CFAP95: variants seen among roughly 807,000 people sequenced by gnomAD.
CFAP95 encodes the protein cilia- and flagella-associated protein 95.
At chr9:69,851,823 G>A in the CFAP95 span, among the ~76,000 whole-genome samples, 1 of 150,802 alleles carries the variant, frequency 6.6e-6, no homozygotes, top group Non-Finnish European at 1.5e-5. Flanking sequence ...AGCTATGATT[G>A]TGCCACTACA....
the CFAP95 span, among the ~76,000 whole-genome samples, chr9:69,828,598 G>A: frequency 1.0e-3 from 154 of 152,302 alleles, 1 homozygote; most frequent in African/African-American, 3.5e-3. Flanking sequence ...CGAGAGGATC[G>A]CTGGAGCATG....
At chr9:69,832,305 C>T in the CFAP95 span, among the ~76,000 whole-genome samples, 3 of 152,108 alleles carry the variant, frequency 2.0e-5, no homozygotes, top group African/African-American at 7.2e-5. Flanking sequence ...GGAAAGATTG[C>T]ATGGTTTTTT....
chr9:69,836,004 C>T, the CFAP95 span, among the ~76,000 whole-genome samples: 1 of 152,136 alleles, frequency 6.6e-6, no homozygotes, highest in Non-Finnish European at 1.5e-5. Context: ...TGACCTGCAG[C>T]TCTGGATTCT....
chr9:69,877,431 C>G, the CFAP95 span, among the ~76,000 whole-genome samples: 1 of 152,222 alleles, frequency 6.6e-6, no homozygotes, highest in Non-Finnish European at 1.5e-5. Context: ...ATTATATCCA[C>G]CATTCCACAC....
At chr9:69,904,955 G>A in the CFAP95 span, among the ~76,000 whole-genome samples, 1 of 152,114 alleles carries the variant, frequency 6.6e-6, no homozygotes, top group Non-Finnish European at 1.5e-5. Context: ...CTGTAGTCCT[G>A]GCTTAGTCGC....
At chr9:69,830,215 TG>T in the CFAP95 span, among the ~76,000 whole-genome samples, 1 of 152,210 alleles carries the variant, frequency 6.6e-6, no homozygotes, top group South Asian at 2.1e-4. Flanking sequence ...TTTTCAGTTC[TG>T]GCTCAACAAA....
At chr9:69,861,015 C>T in the CFAP95 span, among the ~76,000 whole-genome samples, 38 of 152,164 alleles carry the variant, frequency 2.5e-4, no homozygotes, top group South Asian at 1.2e-3. Flanking sequence ...TGATAAAAAG[C>T]GTAGTACAGT....
chr9:69,859,990 C>G, the CFAP95 span, among the ~76,000 whole-genome samples: 2 of 151,976 alleles, frequency 1.3e-5, no homozygotes, highest in African/African-American at 2.4e-5. Context: ...ATGCATGTAC[C>G]CTGCAAGACT....
chr9:69,884,689 A>T, the CFAP95 span: 1 of 151,706 alleles, frequency 6.6e-6, no homozygotes, highest in Non-Finnish European at 1.5e-5. Context: ...TTTGATGTTC[A>T]ATTTAAGTCT....
the CFAP95 span, among the ~76,000 whole-genome samples, chr9:69,831,337 C>A: frequency 6.6e-6 from 1 of 152,018 alleles, no homozygotes; most frequent in East Asian, 1.9e-4. Flanking sequence ...TTTGGAAAAA[C>A]TGAATTGCTC....
the CFAP95 span, among the ~76,000 whole-genome samples, chr9:69,867,859 C>A: frequency 6.6e-6 from 1 of 152,188 alleles, no homozygotes; most frequent in Admixed American, 6.5e-5. Context: ...CTTGGATCAT[C>A]CAGCCCAGTC....
chr9:69,876,326 A>G, the CFAP95 span, among the ~76,000 whole-genome samples: 3 of 152,238 alleles, frequency 2.0e-5, no homozygotes, highest in South Asian at 6.2e-4. Context: ...TGAGGCCAGG[A>G]GTTCAAGACC....
chr9:69,851,269 C>A, the CFAP95 span, among the ~76,000 whole-genome samples: 2 of 152,146 alleles, frequency 1.3e-5, no homozygotes, highest in Admixed American at 1.3e-4. Flanking sequence ...CCTCCACTGC[C>A]TATTTACCCT....
the CFAP95 span, among the ~76,000 whole-genome samples, chr9:69,831,597 A>G: frequency 6.6e-6 from 1 of 152,180 alleles, no homozygotes; most frequent in Non-Finnish European, 1.5e-5. Context: ...CCCAGCAACT[A>G]CAATGTACTG....
chr9:69,848,537 A>T, the CFAP95 span, among the ~76,000 whole-genome samples: 3 of 152,198 alleles, frequency 2.0e-5, no homozygotes, highest in South Asian at 6.2e-4. Context: ...AGGGTCAAAG[A>T]TAAACATACC....
the CFAP95 span, among the ~76,000 whole-genome samples, chr9:69,839,967 T>C: frequency 6.6e-6 from 1 of 151,320 alleles, no homozygotes; most frequent in African/African-American, 2.4e-5. Context: ...ATCCCAGCTA[T>C]TCAGAGGGTT....
chr9:69,895,335 GTCTC>G, the CFAP95 span, among the ~76,000 whole-genome samples: 908 of 121,208 alleles, frequency 7.5e-3, 6 homozygotes, highest in South Asian at 0.022. Flanking sequence ...CTTAAAATCA[GTCTC>G]TCTCTCTCTC....
chr9:69,887,414 T>C, the CFAP95 span, among the ~76,000 whole-genome samples: 1 of 152,218 alleles, frequency 6.6e-6, no homozygotes, highest in Non-Finnish European at 1.5e-5. Flanking sequence ...GATATTTAAC[T>C]ATTGGTAAAG....
chr9:69,872,978 A>G, the CFAP95 span, among the ~76,000 whole-genome samples: 17 of 152,314 alleles, frequency 1.1e-4, no homozygotes, highest in African/African-American at 4.1e-4. Context: ...ATACAGGTAG[A>G]TCTCCACATC....
Sources: allele counts gnomAD v4.1 joint callset (sites outside exome capture counted in the v4.1 genomes callset), GRCh38; gene constraint gnomAD v4.1.1; transcripts MANE v1.5; gene names NCBI Gene and HGNC (gene_info 2026-07-23, HGNC 2026-07-21).